NPAS3: variants seen among roughly 807,000 people sequenced by gnomAD.
The protein encoded by NPAS3 is neuronal PAS domain protein 3.
NPAS3 carries 14 observed loss-of-function variants against 73.1 expected under a neutral mutation model. The observed-to-expected ratio is 0.19, with a 90% CI of 0.13 to 0.30. The LOEUF (loss-of-function observed/expected upper bound fraction) is 0.30, where lower values mean the gene tolerates loss of function less well. Ranked by LOEUF, NPAS3 falls within the 10% of genes least tolerant of loss-of-function variation. The probability of loss-of-function intolerance (pLI) is 1.00; values close to 1 mark genes in which losing one functional copy is unlikely to be tolerated. For missense variants in NPAS3, 1,096 were observed against 1,250.0 expected, an observed-to-expected ratio of 0.88 and a Z score of 1.86; for synonymous variants, 620 against 541.5, an observed-to-expected ratio of 1.14 and a Z score of -2.01.
intron 6 of NPAS3, chr14:33,680,464 CCTGTGT>C (rs2059902719): frequency 4.8e-6 from 3 of 621,350 alleles, no homozygotes; most frequent in South Asian, 3.9e-5. Flanking sequence ...TGTTCCTGTT[CCTGTGT>C]ATGTAGGTAT....
chr14:33,016,125 G>A (rs2039383880), intron 1 of NPAS3, among the ~76,000 whole-genome samples: 1 of 152,022 alleles, frequency 6.6e-6, no homozygotes, highest in African/African-American at 2.4e-5. Context: ...AAATGATTGA[G>A]GAAACGATGG....
intron 4 of NPAS3, among the ~76,000 whole-genome samples, chr14:33,456,097 T>A (rs892347040): frequency 5.9e-5 from 9 of 152,186 alleles, no homozygotes; most frequent in Non-Finnish European, 1.0e-4. Flanking sequence ...GAGCTTTGGA[T>A]GGGAGGAATT....
intron 3 of NPAS3, among the ~76,000 whole-genome samples, chr14:33,280,044 G>T (rs751972225): frequency 6.6e-6 from 1 of 152,118 alleles, no homozygotes; most frequent in Admixed American, 6.5e-5. Flanking sequence ...GAAGGCAAGC[G>T]TGTATGCTGA....
intron 4 of NPAS3, among the ~76,000 whole-genome samples, chr14:33,412,252 G>A (rs1037962428): frequency 2.6e-5 from 4 of 151,962 alleles, no homozygotes; most frequent in African/African-American, 9.7e-5. Context: ...CCGAGTAGCT[G>A]GGACTACAGG....
chr14:33,357,551 T>C (rs75148085), intron 3 of NPAS3, among the ~76,000 whole-genome samples: 1 of 152,256 alleles, frequency 6.6e-6, no homozygotes, highest in Non-Finnish European at 1.5e-5. Flanking sequence ...AAGATAGTTA[T>C]TGAGAAAAGT....
chr14:33,049,668 T>C (rs138708790), intron 1 of NPAS3, among the ~76,000 whole-genome samples: 50 of 152,218 alleles, frequency 3.3e-4, no homozygotes, highest in African/African-American at 1.1e-3. Context: ...CAAGATGAGA[T>C]TTGGGTGGGG....
intron 2 of NPAS3, among the ~76,000 whole-genome samples, chr14:33,126,243 A>G (rs957447354): frequency 2.6e-5 from 4 of 152,172 alleles, no homozygotes; most frequent in Admixed American, 6.5e-5. Flanking sequence ...GCAAGTGGCA[A>G]TAGAGGACAG....
rs144627290 is a variant in NPAS3 at position 33,139,599 on chromosome 14, C to T, written c.141-75583C>T. 6.5e-3 allele frequency among the ~76,000 whole-genome samples: 992 copies of T among 152,262 alleles called. 10 individuals carry two copies. Among genetic ancestry groups the T allele is most frequent in the African/African-American group, 0.023 (942 of 41,534 alleles). ...AATTGTATTCCTCAGACTTTCTCCT[C>T]CTGACAATTTGTTTCATATTGTGCT... On this transcript the variant is annotated intron_variant, in intron 2 of 11. Transcript: ENST00000356141.
chr14:33,089,890 G>T (rs1335071978), intron 2 of NPAS3, among the ~76,000 whole-genome samples: 3 of 152,128 alleles, frequency 2.0e-5, no homozygotes, highest in Non-Finnish European at 2.9e-5. Context: ...TTCATATCCA[G>T]CCAAACTAAG....
chr14:33,792,230 C>A (rs2063378787), intron 9 of NPAS3, among the ~76,000 whole-genome samples: 1 of 152,016 alleles, frequency 6.6e-6, no homozygotes, highest in South Asian at 2.1e-4. Flanking sequence ...ACCTGTGGAG[C>A]CACGCCACCA....
At chr14:33,612,280 T>G in intron 5 of NPAS3, 2 of 394,178 alleles carry the variant, frequency 5.1e-6, no homozygotes, top group Middle Eastern at 7.3e-4. Context: ...TCAGCTGATC[T>G]CTCTCTTTCC....
rs571439161 is a variant in NPAS3, at chr14:33,246,839, C to CAAAAAAAAA, written c.385+31433_385+31441dup. 3.1e-4 allele frequency among the ~76,000 whole-genome samples: 19 copies of CAAAAAAAAA among 61,964 alleles called. 1 individual carries two copies. The highest frequency in any genetic ancestry group is 1.2e-3 in the African/African-American group (15 of 12,834). The allele number at this position is 61,964 out of a possible 152,430, so 40.7% of individuals were successfully genotyped here. On this transcript the variant is annotated intron_variant, in intron 3 of 11. Coordinates refer to ENST00000356141, the Ensembl canonical transcript of NPAS3. ...TGAAACCTCATCTCTATTAAAAATA[C>CAAAAAAAAA]AAAAAAAAAAAAAAAAAAAAAAAAA... is the stretch of plus-strand genomic sequence containing the variant.
chr14:33,533,987 T>C (rs542651243), intron 4 of NPAS3, among the ~76,000 whole-genome samples: 1 of 152,160 alleles, frequency 6.6e-6, no homozygotes, highest in African/African-American at 2.4e-5. Context: ...TAAAAAATAA[T>C]ACTCTTTACC....
intron 4 of NPAS3, among the ~76,000 whole-genome samples, chr14:33,453,578 A>G (rs2049896653): frequency 6.6e-6 from 1 of 152,194 alleles, no homozygotes; most frequent in African/African-American, 2.4e-5. Context: ...CAGACAGCGT[A>G]TTCTGGATTT....
intron 5 of NPAS3, among the ~76,000 whole-genome samples, chr14:33,670,187 A>G (rs1258271179): frequency 2.0e-5 from 3 of 152,218 alleles, no homozygotes; most frequent in Non-Finnish European, 4.4e-5. Context: ...AAATAAACAC[A>G]TGATGTGGTA....
chr14:33,078,329 C>T (rs1047457104), intron 2 of NPAS3, among the ~76,000 whole-genome samples: 1 of 151,978 alleles, frequency 6.6e-6, no homozygotes, highest in African/African-American at 2.4e-5. Flanking sequence ...TGGTTTGATT[C>T]TGGGCTTAGA....
At chr14:33,314,343 A>G (rs2043123724) in intron 3 of NPAS3, among the ~76,000 whole-genome samples, 1 of 152,084 alleles carries the variant, frequency 6.6e-6, no homozygotes, top group Admixed American at 6.6e-5. Context: ...CAGTTAAAAC[A>G]CTAGCTTTCA....
intron 3 of NPAS3, among the ~76,000 whole-genome samples, chr14:33,252,758 C>A (rs796618108): frequency 4.9e-4 from 75 of 151,784 alleles, no homozygotes; most frequent in African/African-American, 1.7e-3. Context: ...GAAAATTGTA[C>A]CCAATAGGTA....
intron 5 of NPAS3, among the ~76,000 whole-genome samples, chr14:33,665,856 T>TG (rs1567105685): frequency 1.3e-5 from 2 of 151,910 alleles, no homozygotes; most frequent in South Asian, 2.1e-4. Flanking sequence ...GTTCACCTAC[T>TG]GGGAAAAAAA....
Sources: gnomAD v4.1 joint callset for allele counts (sites outside exome capture counted in the v4.1 genomes callset) on GRCh38, gnomAD v4.1.1 for gene constraint, MANE v1.5 for transcripts, NCBI Gene and HGNC (gene_info 2026-07-23, HGNC 2026-07-21) for gene names.